TLN2: variants seen among roughly 807,000 people sequenced by gnomAD.
TLN2 encodes the protein talin 2, also known as talin-2.
In TLN2, 118 loss-of-function variants were observed where a neutral mutation model predicts 294.7. The ratio of observed to expected loss-of-function variants is 0.40; its 90% CI spans 0.34 to 0.47. The LOEUF (loss-of-function observed/expected upper bound fraction) is 0.47, where lower values mean the gene tolerates loss of function less well. Among genes scored for constraint, TLN2 ranks in the 20% least tolerant of loss-of-function variants. The pLI, the probability that TLN2 is intolerant of heterozygous loss-of-function variation, is 0.84. For missense variants in TLN2, 3,083 were observed against 3,282.2 expected (o/e 0.94, Z 1.48); for synonymous variants, 1,431 against 1,304.5 (o/e 1.10, Z -2.09).
rs531031574 is a variant in TLN2 at position 62,563,843 on chromosome 15, G to C, written c.-237-25844G>C. Among the ~76,000 whole-genome samples, 8 of 152,256 alleles carry C rather than the reference G, an allele frequency of 5.3e-5. No individual in the cohort carries two copies. The East Asian group carries it at 1.2e-3, about 22-fold the overall frequency. ...TCCTCTGCCCTGCCATGAACTCTAT[G>C]GGTGAAAGCCCCCAGTGTGCATCAC... On this transcript the variant is annotated intron_variant, in intron 1 of 58. Coordinates refer to ENST00000636159, the MANE Select transcript of TLN2 (RefSeq NM_015059.3).
At chr15:62,659,084 A>G (rs1282992362) in intron 9 of TLN2, among the ~76,000 whole-genome samples, 1 of 152,210 alleles carries the variant, frequency 6.6e-6, no homozygotes, top group African/African-American at 2.4e-5. Flanking sequence ...ATCCGAATGT[A>G]GTCATTCACC....
At chr15:62,407,867 A>T (rs993752444) in intron 1 of TLN2, among the ~76,000 whole-genome samples, 5 of 152,084 alleles carry the variant, frequency 3.3e-5, no homozygotes, top group Non-Finnish European at 7.4e-5. Context: ...GTGAGCTAAG[A>T]TCACACCACA....
intron 1 of TLN2, among the ~76,000 whole-genome samples, chr15:62,576,660 TCC>T (rs1274045367): frequency 1.9e-5 from 2 of 105,336 alleles, no homozygotes; most frequent in South Asian, 3.3e-4. Context: ...ATGGAATGAT[TCC>T]CCCCCCCGCC....
At chr15:62,690,337 G>A (rs1281042754) in intron 12 of TLN2, 8 of 156,582 alleles carry the variant, frequency 5.1e-5, no homozygotes, top group South Asian at 3.4e-4. Flanking sequence ...AGACGGGGTC[G>A]CGGCCGGGCA....
chr15:62,430,690 A>G (rs975975902), intron 1 of TLN2, among the ~76,000 whole-genome samples: 11 of 152,160 alleles, frequency 7.2e-5, no homozygotes, highest in Non-Finnish European at 1.2e-4. Flanking sequence ...GGTACCCTGC[A>G]TTGTGCTCAA....
intron 8 of TLN2, among the ~76,000 whole-genome samples, chr15:62,656,653 C>G (rs1311347726): frequency 6.6e-6 from 1 of 152,204 alleles, no homozygotes; most frequent in African/African-American, 2.4e-5. Flanking sequence ...CTCCTACCAG[C>G]TTCCTTTCTT....
intron 3 of TLN2, among the ~76,000 whole-genome samples, chr15:62,646,363 A>G (rs2051841047): frequency 6.6e-6 from 1 of 152,022 alleles, no homozygotes. Flanking sequence ...GTGTTTCACC[A>G]TGTTGGACAG....
chr15:62,556,552 G>GCCT (rs1417313834), intron 1 of TLN2, among the ~76,000 whole-genome samples: 1 of 151,998 alleles, frequency 6.6e-6, no homozygotes, highest in Non-Finnish European at 1.5e-5. Context: ...TCCTGCCGCA[G>GCCT]CCTCCTACGG....
In TLN2 at chr15:62,761,755, G is replaced by T. The variant is rs1158778425; in HGVS notation, c.4713G>T (p.Val1571=). 1 of 1,614,172 alleles carries T rather than the reference G, an allele frequency of 6.2e-7. No homozygotes were observed. Among genetic ancestry groups the T allele is most frequent in the Admixed American group, 1.7e-5 (1 of 60,028 alleles). Residue 1571 remains valine (V), a synonymous_variant, in exon 38 of 59, where the codon GTG becomes GTT. Transcript: ENST00000636159. ...RIATAPLIEA[V]ENLTAFASNP... ...CCACCGCACCCTTGATTGAAGCTGT[G>T]GAGAACCTGACAGCGTTCGCCTCAA...
intron 37 of TLN2, among the ~76,000 whole-genome samples, chr15:62,760,907 A>G (rs1210970118): frequency 6.6e-6 from 1 of 152,186 alleles, no homozygotes; most frequent in African/African-American, 2.4e-5. Flanking sequence ...AACTCTAGCC[A>G]GATTAAGAAA....
At chr15:62,440,079 A>G (rs1402212945) in intron 1 of TLN2, among the ~76,000 whole-genome samples, 1 of 152,066 alleles carries the variant, frequency 6.6e-6, no homozygotes, top group Non-Finnish European at 1.5e-5. Flanking sequence ...TACTCATTTT[A>G]CAGATGTTCA....
intron 1 of TLN2, among the ~76,000 whole-genome samples, chr15:62,460,907 A>G (rs965696329): frequency 6.6e-6 from 1 of 151,740 alleles, no homozygotes; most frequent in African/African-American, 2.4e-5. Flanking sequence ...CACAGTCATA[A>G]TCTCGACTTA....
chr15:62,506,427 AGGTAGTCACATG>A (rs1176930643), intron 1 of TLN2, among the ~76,000 whole-genome samples: 1 of 152,262 alleles, frequency 6.6e-6, no homozygotes, highest in African/African-American at 2.4e-5. Context: ...TATCTGCATG[AGGTAGTCACATG>A]GGTGGTATTA....
rs553897404 is a variant in TLN2, at chr15:62,750,656, G to A, written c.4209+165G>A. On this transcript the variant is annotated intron_variant, in intron 34 of 58. Transcript: ENST00000636159. ...CTTTGCTCAGGAGCTTCTCAAACTT[G>A]ACGGTGCATCAGAATCACCTGGAGG... Among the ~76,000 whole-genome samples, 5 of 152,270 alleles carry A rather than the reference G, an allele frequency of 3.3e-5. No homozygotes were observed. In the South Asian group the frequency reaches 1.0e-3, roughly 32 times the overall value.
chr15:62,483,812 C>T (rs1157054756), intron 1 of TLN2, among the ~76,000 whole-genome samples: 4 of 152,212 alleles, frequency 2.6e-5, no homozygotes, highest in African/African-American at 9.6e-5. Context: ...CCTTCAAACT[C>T]CCTTCTGAGA....
intron 4 of TLN2, among the ~76,000 whole-genome samples, chr15:62,648,607 A>G (rs1403919755): frequency 3.5e-5 from 5 of 142,238 alleles, no homozygotes; most frequent in Non-Finnish European, 7.5e-5. Context: ...GAGGGCAACG[A>G]TGTGATCTTG....
chr15:62,454,758 C>G (rs1473557892), intron 1 of TLN2, among the ~76,000 whole-genome samples: 1 of 152,132 alleles, frequency 6.6e-6, no homozygotes, highest in African/African-American at 2.4e-5. Context: ...TTGCCTTAGA[C>G]CCTGGAACAC....
At chr15:62,731,906 CATTT>C (rs930395687) in intron 28 of TLN2, among the ~76,000 whole-genome samples, 2 of 152,144 alleles carry the variant, frequency 1.3e-5, no homozygotes, top group African/African-American at 4.8e-5. Context: ...AAACTGTATA[CATTT>C]ATTACTTTGA....
intron 33 of TLN2, among the ~76,000 whole-genome samples, chr15:62,749,892 T>TA (rs2061830151): frequency 6.6e-6 from 1 of 152,184 alleles, no homozygotes; most frequent in Non-Finnish European, 1.5e-5. Flanking sequence ...CTGTTTAAAT[T>TA]AAAAACAAAT....
Sources: allele counts gnomAD v4.1 joint callset (sites outside exome capture counted in the v4.1 genomes callset), GRCh38; gene constraint gnomAD v4.1.1; transcripts MANE v1.5; gene names NCBI Gene and HGNC (gene_info 2026-07-23, HGNC 2026-07-21).